Variants in RPS6KC1 observed in about 807,000 individuals in gnomAD.
RPS6KC1 encodes the protein inactive ribosomal protein S6 kinase delta-1.
Under a neutral mutation model 103.8 loss-of-function variants are expected in RPS6KC1, and 54 were observed. The observed-to-expected ratio is 0.52, with a 90% CI of 0.42 to 0.65. The LOEUF (loss-of-function observed/expected upper bound fraction) is 0.65, where lower values mean the gene tolerates loss of function less well. RPS6KC1 is among the 30% of genes least tolerant of loss of function. The pLI, the probability that RPS6KC1 is intolerant of heterozygous loss-of-function variation, is 0.00. For synonymous variants in RPS6KC1, 439 were observed against 438.7 expected (o/e 1.00, Z -0.01); for missense variants, 1,151 against 1,253.8 (o/e 0.92, Z 1.24).
the RPS6KC1 span, among the ~76,000 whole-genome samples, chr1:213,615,582 AG>A: frequency 1.3e-4 from 20 of 152,342 alleles, no homozygotes; most frequent in African/African-American, 4.8e-4. Flanking sequence ...ATCTTGCAGA[AG>A]GGCCAGGATG....
the RPS6KC1 span, among the ~76,000 whole-genome samples, chr1:213,580,681 G>A: frequency 0.091 from 13,903 of 152,028 alleles, 859 homozygotes; most frequent in Non-Finnish European, 0.12. Flanking sequence ...ACTCTGATCA[G>A]TCAGCAGCCA....
Position 213,272,826 on chromosome 1 carries a change from CA to C in RPS6KC1, c.*193del. The C allele has an allele frequency of 2.0e-6, 1 of 498,922 alleles. No individual in the cohort carries two copies. Among genetic ancestry groups the C allele is most frequent in the Non-Finnish European group, 3.7e-6 (1 of 271,626 alleles). The allele number at this position is 498,922 out of a possible 1,614,324, so 30.9% of individuals were successfully genotyped here. The stretch of plus-strand genomic sequence containing the variant: ...ATTACAAGATATTAGCTAATTGTGC[CA>C]GGGGCTGTTATATACATATATACAC... On this transcript the variant is annotated 3_prime_UTR_variant, in exon 15 of 15. Coordinates refer to ENST00000366960, the MANE Select transcript of RPS6KC1 (RefSeq NM_012424.6).
chr1:213,324,424 G>T, the RPS6KC1 span, among the ~76,000 whole-genome samples: 1 of 152,064 alleles, frequency 6.6e-6, no homozygotes. Flanking sequence ...AAAAAGACAT[G>T]ATCTCAAGAT....
chr1:213,641,029 T>G, the RPS6KC1 span, among the ~76,000 whole-genome samples: 2 of 152,046 alleles, frequency 1.3e-5, no homozygotes, highest in Non-Finnish European at 2.9e-5. Flanking sequence ...TATATACACA[T>G]TTAGAATTGT....
Position 213,143,447 on chromosome 1 carries a change from A to G in RPS6KC1, c.835+13558A>G, listed in dbSNP as rs946196454. Among the ~76,000 whole-genome samples the G allele has an allele frequency of 8.6e-5, 13 of 151,282 alleles. 1 individual carries two copies. The highest frequency in any genetic ancestry group is 2.7e-4 in the Admixed American group (4 of 15,088). On this transcript the variant is annotated intron_variant, in intron 6 of 14. Coordinates refer to ENST00000366960, the MANE Select transcript of RPS6KC1 (RefSeq NM_012424.6). The stretch of plus-strand genomic sequence containing the variant: ...TTTATTTTGCTGTTCTGTGTTTTCT[A>G]TTTTATAGATTTGTATTCCTTTCTC...
chr1:213,362,139 T>C, the RPS6KC1 span, among the ~76,000 whole-genome samples: 1 of 152,198 alleles, frequency 6.6e-6, no homozygotes, highest in Admixed American at 6.5e-5. Context: ...GGGAGCTATT[T>C]GTACCGAGGG....
the RPS6KC1 span, among the ~76,000 whole-genome samples, chr1:213,665,355 T>G: frequency 1.3e-5 from 2 of 151,652 alleles, no homozygotes; most frequent in Non-Finnish European, 2.9e-5. Context: ...AATAGAAAGG[T>G]AGACAACAGG....
the RPS6KC1 span, among the ~76,000 whole-genome samples, chr1:213,528,414 C>T: frequency 4.8e-5 from 7 of 146,560 alleles, no homozygotes; most frequent in Non-Finnish European, 9.0e-5. Context: ...CTCCCTCCCA[C>T]GACACATGGG....
the RPS6KC1 span, among the ~76,000 whole-genome samples, chr1:213,400,850 G>A: frequency 6.6e-6 from 1 of 151,904 alleles, no homozygotes; most frequent in East Asian, 1.9e-4. Context: ...GGGATTATAG[G>A]CACACACCAC....
chr1:213,319,964 C>T, the RPS6KC1 span, among the ~76,000 whole-genome samples: 2,039 of 152,232 alleles, frequency 0.013, 76 homozygotes, highest in East Asian at 0.099. Context: ...CACATAGAGT[C>T]GAGTCATTAA....
chr1:213,351,217 T>G, the RPS6KC1 span, among the ~76,000 whole-genome samples: 28,996 of 152,176 alleles, frequency 0.19, 3,127 homozygotes, highest in South Asian at 0.25. Flanking sequence ...CTTTTAAAGT[T>G]GTAGCTAGAT....
chr1:213,434,753 G>C, the RPS6KC1 span, among the ~76,000 whole-genome samples: 1 of 151,590 alleles, frequency 6.6e-6, no homozygotes, highest in Non-Finnish European at 1.5e-5. Context: ...ACTGCACCTG[G>C]CTATCTTTGT....
chr1:213,859,263 G>A, the RPS6KC1 span, among the ~76,000 whole-genome samples: 1 of 152,142 alleles, frequency 6.6e-6, no homozygotes, highest in Admixed American at 6.5e-5. Flanking sequence ...GATTTGGAGT[G>A]GGTTCTAGTT....
the RPS6KC1 span, among the ~76,000 whole-genome samples, chr1:213,846,947 G>A: frequency 6.6e-6 from 1 of 152,088 alleles, no homozygotes; most frequent in Admixed American, 6.6e-5. Flanking sequence ...ACATATTTTT[G>A]GGTTGATACT....
At chr1:213,805,456 T>C in the RPS6KC1 span, among the ~76,000 whole-genome samples, 5 of 152,244 alleles carry the variant, frequency 3.3e-5, no homozygotes, top group African/African-American at 1.2e-4. Flanking sequence ...GGAGTAGATT[T>C]CATCTCAAAA....
the RPS6KC1 span, among the ~76,000 whole-genome samples, chr1:213,860,671 G>A: frequency 6.6e-6 from 1 of 152,182 alleles, no homozygotes; most frequent in Admixed American, 6.5e-5. Flanking sequence ...ATATGTTTAA[G>A]GAGTGATGTT....
At chr1:213,057,347 T>C (rs541603005) in intron 1 of RPS6KC1, among the ~76,000 whole-genome samples, 1 of 152,328 alleles carries the variant, frequency 6.6e-6, no homozygotes, top group African/African-American at 2.4e-5. Context: ...TTTTCAAGTA[T>C]TGATTTTTAA....
chr1:213,712,826 C>T, the RPS6KC1 span, among the ~76,000 whole-genome samples: 2 of 152,172 alleles, frequency 1.3e-5, no homozygotes, highest in African/African-American at 4.8e-5. Context: ...CTTTGGCTCA[C>T]CCTCTGTGGG....
the RPS6KC1 span, among the ~76,000 whole-genome samples, chr1:213,681,745 C>G: frequency 6.6e-6 from 1 of 152,126 alleles, no homozygotes; most frequent in East Asian, 1.9e-4. Flanking sequence ...TTACAGTGAG[C>G]TTTGATTGCA....
Sources: allele counts gnomAD v4.1 joint callset (sites outside exome capture counted in the v4.1 genomes callset), GRCh38; gene constraint gnomAD v4.1.1; transcripts MANE v1.5; gene names NCBI Gene and HGNC (gene_info 2026-07-23, HGNC 2026-07-21).